Variants in SLC38A11 observed in about 807,000 individuals in gnomAD.
The protein encoded by SLC38A11 is putative sodium-coupled neutral amino acid transporter 11.
In SLC38A11, 51 loss-of-function variants were observed where a neutral mutation model predicts 49.4. The ratio of observed to expected loss-of-function variants is 1.03; its 90% CI spans 0.83 to 1.30. SLC38A11 has a LOEUF of 1.30. SLC38A11 is among the 50% of genes most tolerant of loss of function. The probability of loss-of-function intolerance (pLI) is 0.00; values close to 1 mark genes in which losing one functional copy is unlikely to be tolerated. For missense variants in SLC38A11, 574 were observed against 556.2 expected, an observed-to-expected ratio of 1.03 and a Z score of -0.32; for synonymous variants, 203 against 192.9, an observed-to-expected ratio of 1.05 and a Z score of -0.43.
intron 11 of SLC38A11, among the ~76,000 whole-genome samples, chr2:164,900,137 AG>A (rs1337955805): frequency 2.6e-5 from 4 of 152,030 alleles, no homozygotes; most frequent in African/African-American, 4.8e-5. Context: ...TCCTTTTTCA[AG>A]GCTGAATAAT....
chr2:164,899,757 A>C (rs1036953778), intron 11 of SLC38A11, among the ~76,000 whole-genome samples: 1 of 152,118 alleles, frequency 6.6e-6, no homozygotes, highest in Non-Finnish European at 1.5e-5. Flanking sequence ...TATTGAACTA[A>C]CATATCTATT....
intron 11 of SLC38A11, among the ~76,000 whole-genome samples, chr2:164,901,133 C>T (rs1030699992): frequency 6.6e-6 from 1 of 151,924 alleles, no homozygotes; most frequent in African/African-American, 2.4e-5. Flanking sequence ...TATTTCTTGG[C>T]TCTCTTTTAT....
intron 11 of SLC38A11, among the ~76,000 whole-genome samples, chr2:164,906,383 T>C (rs1445242118): frequency 2.0e-5 from 3 of 152,188 alleles, no homozygotes; most frequent in African/African-American, 4.8e-5. Flanking sequence ...AGAATATTTA[T>C]AGAAATAGAT....
At chr2:164,908,557 G>T in intron 11 of SLC38A11, 83 bp downstream of exon 11, 1 of 1,284,144 alleles carries the variant, frequency 7.8e-7, no homozygotes, top group Non-Finnish European at 1.0e-6. Context: ...TTTTGTTAAG[G>T]AAAATACATC....
Position 164,898,587 on chromosome 2 carries a change from G to C in SLC38A11, c.1239C>G (p.Phe413Leu). ...PIGAVVMVFG[F>L]VMAITNTQDC... is the part of the protein sequence containing the mutation. ...CTTGAGTATTTGTAATAGCCATGAC[G>C]AATCCAAAAACCATCACCACAGCAC... The change falls in exon 12 of 12, where the codon TTC becomes TTG. Residue 413 changes from phenylalanine to leucine, a missense_variant. Physicochemically the swap from Phe to Leu is conservative, Grantham distance 22. Coordinates refer to ENST00000685975, the MANE Select transcript of SLC38A11 (RefSeq NM_001351537.2). The C allele has an allele frequency of 6.2e-7, 1 of 1,613,560 alleles. No individual in the cohort carries two copies.
At chr2:164,933,651 A>G (rs886967321) in intron 7 of SLC38A11, among the ~76,000 whole-genome samples, 8 of 152,136 alleles carry the variant, frequency 5.3e-5, no homozygotes, top group African/African-American at 1.7e-4. Context: ...AGACCTATGA[A>G]AAAACCACAG....
intron 7 of SLC38A11, among the ~76,000 whole-genome samples, chr2:164,934,475 A>G (rs1687221489): frequency 6.6e-6 from 1 of 152,126 alleles, no homozygotes; most frequent in Non-Finnish European, 1.5e-5. Flanking sequence ...CCCTAGATCA[A>G]TTCCTTCAGA....
chr2:164,947,117 CTTTTTTTTTT>C (rs200284770), intron 3 of SLC38A11, among the ~76,000 whole-genome samples: 51 of 72,902 alleles, frequency 7.0e-4, no homozygotes, highest in Non-Finnish European at 9.7e-4. Flanking sequence ...TTTTTTATCT[CTTTTTTTTTT>C]TTTTTTTTTT....
intron 3 of SLC38A11, among the ~76,000 whole-genome samples, chr2:164,948,217 G>A (rs558299926): frequency 6.6e-6 from 1 of 152,302 alleles, no homozygotes; most frequent in Non-Finnish European, 1.5e-5. Context: ...TATAGAAGCT[G>A]AGTGGGAACT....
At chr2:164,908,957 A>G (rs192449745) in intron 10 of SLC38A11, among the ~76,000 whole-genome samples, 186 bp from the exon 11 acceptor site, 20 of 152,290 alleles carry the variant, frequency 1.3e-4, no homozygotes, top group African/African-American at 4.8e-4. Context: ...CATATCAATA[A>G]CAAGTATTCT....
intron 9 of SLC38A11, chr2:164,912,221 T>A (rs527588406): frequency 6.6e-6 from 1 of 152,244 alleles, no homozygotes; most frequent in Non-Finnish European, 1.5e-5. Flanking sequence ...ATTCAATAAC[T>A]ATGTAGTTAT....
At chr2:164,949,085 G>GATA (rs1421675810) in intron 3 of SLC38A11, among the ~76,000 whole-genome samples, 1 of 151,216 alleles carries the variant, frequency 6.6e-6, no homozygotes, top group Non-Finnish European at 1.5e-5. Context: ...AAAAGGCAGG[G>GATA]ATAATGTTCC....
intron 5 of SLC38A11, among the ~76,000 whole-genome samples, chr2:164,943,508 T>C (rs1028132992): frequency 1.3e-5 from 2 of 152,138 alleles, no homozygotes; most frequent in African/African-American, 4.8e-5. Context: ...AAGCTACATA[T>C]GGTATGATGT....
chr2:164,923,611 G>A (rs1047986151), intron 7 of SLC38A11, among the ~76,000 whole-genome samples: 3 of 151,682 alleles, frequency 2.0e-5, no homozygotes, highest in Non-Finnish European at 4.4e-5. Flanking sequence ...CCTGGGCAAC[G>A]TAACTGGGAC....
At chr2:164,953,648 A>AG (rs1178822492) in intron 2 of SLC38A11, among the ~76,000 whole-genome samples, 5 of 152,154 alleles carry the variant, frequency 3.3e-5, no homozygotes, top group Non-Finnish European at 5.9e-5. Flanking sequence ...AGAAAAAAAA[A>AG]AGACTATCCA....
chr2:164,913,558 C>A (rs1051341276), intron 9 of SLC38A11, among the ~76,000 whole-genome samples: 1 of 151,920 alleles, frequency 6.6e-6, no homozygotes, highest in Non-Finnish European at 1.5e-5. Context: ...AGAATTACAG[C>A]TAGGGGGAAA....
chr2:164,945,984 GAAAACA>G (rs1688078269), intron 3 of SLC38A11, among the ~76,000 whole-genome samples: 1 of 152,050 alleles, frequency 6.6e-6, no homozygotes, highest in African/African-American at 2.4e-5. Context: ...GGACAGAAAA[GAAAACA>G]GACTCGAGTC....
intron 11 of SLC38A11, 91 bp from the exon 12 acceptor site, chr2:164,898,821 A>G: frequency 7.9e-7 from 1 of 1,269,520 alleles, no homozygotes; most frequent in East Asian, 2.5e-5. Context: ...TGTGTTTTTC[A>G]TGCACATGTT....
intron 3 of SLC38A11, among the ~76,000 whole-genome samples, chr2:164,946,142 G>A (rs1688089412): frequency 1.3e-5 from 2 of 152,162 alleles, no homozygotes; most frequent in Non-Finnish European, 2.9e-5. Flanking sequence ...AGAATTAAAG[G>A]TGTGGTAGCA....
Sources: allele counts gnomAD v4.1 joint callset (sites outside exome capture counted in the v4.1 genomes callset), GRCh38; gene constraint gnomAD v4.1.1; transcripts MANE v1.5; gene names NCBI Gene and HGNC (gene_info 2026-07-23, HGNC 2026-07-21).